RAF1: variants seen among roughly 807,000 people sequenced by gnomAD.
The protein encoded by RAF1 is RAF proto-oncogene serine/threonine-protein kinase.
In RAF1, 27 loss-of-function variants were observed where a neutral mutation model predicts 81.1. That is an observed-to-expected ratio of 0.33 (90% CI 0.25 to 0.46). The LOEUF (loss-of-function observed/expected upper bound fraction) is 0.46, where lower values mean the gene tolerates loss of function less well. Among genes scored for constraint, RAF1 ranks in the 20% least tolerant of loss-of-function variants. The pLI is 1.00. For missense variants in RAF1, 598 were observed against 826.0 expected (o/e 0.72, Z 3.38); for synonymous variants, 298 against 294.0 (o/e 1.01, Z -0.14).
intron 11 of RAF1, among the ~76,000 whole-genome samples, chr3:12,598,751 AAAC>A (rs1462342413): frequency 1.4e-4 from 19 of 140,298 alleles, no homozygotes; most frequent in Middle Eastern, 3.7e-3. Context: ...AAAAAAAAAA[AAAC>A]CACCAAGTAC....
At chr3:12,654,165 G>T (rs2060615744) in intron 1 of RAF1, among the ~76,000 whole-genome samples, 1 of 45,326 alleles carries the variant, frequency 2.2e-5, no homozygotes, top group East Asian at 1.5e-3. Flanking sequence ...TAGTTTTTTT[G>T]GTTTTAGAGA....
intron 6 of RAF1, 46 bp downstream of exon 6, chr3:12,606,155 C>T (rs2059021737): frequency 6.9e-7 from 1 of 1,444,952 alleles, no homozygotes. Context: ...CCAACCCCAC[C>T]ACCCCAAATA....
rs563759649 is a variant in RAF1, at chr3:12,591,025, G to A, written c.1254-51C>T. 6.0e-6 allele frequency: 9 copies of A among 1,510,976 alleles called. No individual in the cohort carries two copies. The East Asian group carries it at 9.1e-5, about 15-fold the overall frequency. 93.6% of individuals were successfully genotyped at this position (1,510,976 alleles called of 1,614,324 possible). On this transcript the variant is annotated intron_variant, in intron 12 of 17. Coordinates refer to ENST00000442415, the MANE Select transcript of RAF1 (RefSeq NM_001354689.3). The stretch of plus-strand genomic sequence containing the variant: ...GAGGGAGGAGGAAAGTGCTCAGGGA[G>A]GTCTACTGTGCTTTCCCGTGGACAG...
chr3:12,599,049 A>G (rs929218458), intron 11 of RAF1: 2 of 152,574 alleles, frequency 1.3e-5, no homozygotes, highest in Non-Finnish European at 1.5e-5. Context: ...AATGCTAAGT[A>G]TGTTGCCAAA....
chr3:12,615,860 G>A (rs916525738), intron 2 of RAF1, among the ~76,000 whole-genome samples: 4 of 152,080 alleles, frequency 2.6e-5, no homozygotes, highest in Admixed American at 6.6e-5. Context: ...GACCAGCCTT[G>A]CCAACATGGT....
chr3:12,644,786 A>T (rs2060294756), intron 1 of RAF1, among the ~76,000 whole-genome samples: 1 of 152,138 alleles, frequency 6.6e-6, no homozygotes, highest in Admixed American at 6.6e-5. Context: ...GTTTTTCCTC[A>T]AATACTATAT....
chr3:12,643,851 G>A (rs1307213751), intron 1 of RAF1, among the ~76,000 whole-genome samples: 2 of 152,098 alleles, frequency 1.3e-5, no homozygotes, highest in African/African-American at 2.4e-5. Context: ...AATTTATTCT[G>A]ATGCTCATAA....
chr3:12,628,752 G>T (rs1460364670), intron 1 of RAF1, among the ~76,000 whole-genome samples: 38 of 13,234 alleles, frequency 2.9e-3, no homozygotes, highest in Admixed American at 5.3e-3. Context: ...GACTATTTTT[G>T]GGGGGGGGGG....
intron 1 of RAF1, among the ~76,000 whole-genome samples, chr3:12,626,213 C>T (rs1478539539): frequency 6.8e-6 from 1 of 146,788 alleles, no homozygotes; most frequent in East Asian, 2.0e-4. Flanking sequence ...CATTGCACTC[C>T]AGCTTGAGCA....
chr3:12,650,247 C>T (rs770503444), intron 1 of RAF1, among the ~76,000 whole-genome samples: 1 of 151,774 alleles, frequency 6.6e-6, no homozygotes, highest in African/African-American at 2.4e-5. Context: ...TTGTCTGAGC[C>T]CAGGAGGTCG....
chr3:12,604,015 CAG>C, intron 7 of RAF1, 119 bp downstream of exon 7: 1 of 1,138,368 alleles, frequency 8.8e-7, no homozygotes, highest in Non-Finnish European at 1.3e-6. Flanking sequence ...TGTAAAAGTC[CAG>C]AGACCTGAGA....
At chr3:12,614,918 T>C (rs1274433258) in intron 2 of RAF1, among the ~76,000 whole-genome samples, 1 of 152,194 alleles carries the variant, frequency 6.6e-6, no homozygotes, top group African/African-American at 2.4e-5. Context: ...TCAAATACTG[T>C]ATAGCAATGT....
chr3:12,633,170 C>T (rs1461439706), intron 1 of RAF1, among the ~76,000 whole-genome samples: 1 of 151,946 alleles, frequency 6.6e-6, no homozygotes, highest in Non-Finnish European at 1.5e-5. Flanking sequence ...AGGAAACCCT[C>T]GAATATGGAT....
intron 1 of RAF1, 126 bp downstream of exon 1, chr3:12,663,687 A>G (rs2060957485): frequency 7.7e-6 from 3 of 388,184 alleles, no homozygotes; most frequent in Admixed American, 9.0e-5. Context: ...GCCTGGCCCA[A>G]GCCCTCTGCC....
intron 1 of RAF1, among the ~76,000 whole-genome samples, chr3:12,622,601 G>A (rs778353632): frequency 2.0e-5 from 3 of 152,074 alleles, no homozygotes; most frequent in Non-Finnish European, 2.9e-5. Flanking sequence ...CTCTCCTTCT[G>A]CCAATTAATA....
chr3:12,620,926 AGTTC>A (rs770587459), intron 1 of RAF1, among the ~76,000 whole-genome samples: 21,342 of 151,582 alleles, frequency 0.14, 1,778 homozygotes, highest in African/African-American at 0.22. Context: ...CAGAGTTCAG[AGTTC>A]AGTTCATTCA....
At chr3:12,650,766 T>A (rs1030226702) in intron 1 of RAF1, among the ~76,000 whole-genome samples, 38 of 152,290 alleles carry the variant, frequency 2.5e-4, no homozygotes, top group African/African-American at 8.9e-4. Context: ...GGCACTGGGC[T>A]AAGAGCTTTC....
At chr3:12,603,671 A>G (rs1559425280) in intron 7 of RAF1, 1 of 544,430 alleles carries the variant, frequency 1.8e-6, no homozygotes, top group East Asian at 2.9e-5. Flanking sequence ...AGAGAAGAAA[A>G]AGCAGTTCAA....
Position 12,587,571 on chromosome 3 carries a change from A to C in RAF1, c.1477+20T>G. 3 of 1,598,924 alleles carry C rather than the reference A, an allele frequency of 1.9e-6. No individual in the cohort carries two copies. The highest frequency in any genetic ancestry group is 2.2e-5 in the South Asian group (2 of 90,746). ...AATTTAGAACCGAGCAGTCAAATGA[A>C]CTCAACAACCAAAGGATACTGTTGG... On this transcript the variant is annotated intron_variant, in intron 14 of 17. Coordinates refer to ENST00000442415, the MANE Select transcript of RAF1 (RefSeq NM_001354689.3).
Sources: allele counts gnomAD v4.1 joint callset (sites outside exome capture counted in the v4.1 genomes callset), GRCh38; gene constraint gnomAD v4.1.1; transcripts MANE v1.5; gene names NCBI Gene and HGNC (gene_info 2026-07-23, HGNC 2026-07-21).